Variants in CACNB4 observed in about 807,000 individuals in gnomAD.
CACNB4 encodes the protein calcium voltage-gated channel auxiliary subunit beta 4, also known as voltage-dependent L-type calcium channel subunit beta-4.
Under a neutral mutation model 71.2 loss-of-function variants are expected in CACNB4, and 32 were observed. The observed-to-expected ratio is 0.45, with a 90% confidence interval of 0.34 to 0.60. The LOEUF (loss-of-function observed/expected upper bound fraction) is 0.60, where lower values mean the gene tolerates loss of function less well. Ranked by LOEUF, CACNB4 falls within the 20% of genes least tolerant of loss-of-function variation. The probability of loss-of-function intolerance (pLI) is 0.01; values close to 1 mark genes in which losing one functional copy is unlikely to be tolerated. For missense variants in CACNB4, 464 were observed against 647.9 expected, an observed-to-expected ratio of 0.72 and a Z score of 3.08; for synonymous variants, 231 against 236.9, an observed-to-expected ratio of 0.97 and a Z score of 0.23.
chr2:152,073,799 A>G (rs1276412770), intron 2 of CACNB4, among the ~76,000 whole-genome samples: 1 of 152,202 alleles, frequency 6.6e-6, no homozygotes, highest in Non-Finnish European at 1.5e-5. Flanking sequence ...ATTCCCTTCA[A>G]TAACAAATGC....
intron 2 of CACNB4, among the ~76,000 whole-genome samples, chr2:152,035,592 T>C (rs909900097): frequency 4.8e-5 from 7 of 144,448 alleles, no homozygotes; most frequent in South Asian, 2.2e-4. Context: ...TCTCTCCCTC[T>C]CTCTCTCTCT....
intron 2 of CACNB4, among the ~76,000 whole-genome samples, chr2:152,006,400 T>C (rs969739697): frequency 3.0e-4 from 28 of 91,804 alleles, no homozygotes; most frequent in African/African-American, 9.4e-4. Context: ...TTCTTTTCTT[T>C]CTTTTTTTTT....
At chr2:152,047,277 A>G (rs893007637) in intron 2 of CACNB4, among the ~76,000 whole-genome samples, 1 of 152,194 alleles carries the variant, frequency 6.6e-6, no homozygotes, top group Admixed American at 6.5e-5. Flanking sequence ...TGTCACACAG[A>G]CCTCAAATAA....
chr2:151,981,053 C>G (rs913767200), intron 2 of CACNB4, among the ~76,000 whole-genome samples: 1 of 128,622 alleles, frequency 7.8e-6, no homozygotes, highest in Non-Finnish European at 1.6e-5. Context: ...TCTTTAAGGT[C>G]AAATGTAAAT....
chr2:152,038,234 G>A (rs1684695780), intron 2 of CACNB4, among the ~76,000 whole-genome samples: 2 of 152,184 alleles, frequency 1.3e-5, no homozygotes, highest in Admixed American at 1.3e-4. Context: ...TAAAGTAAGG[G>A]GTTGGTGAGC....
chr2:152,086,829 TG>T (rs1285063208), intron 2 of CACNB4, among the ~76,000 whole-genome samples: 1 of 152,194 alleles, frequency 6.6e-6, no homozygotes, highest in African/African-American at 2.4e-5. Context: ...TTGATTTCCA[TG>T]CAGGTTAAAG....
At chr2:152,090,182 G>C (rs1047294398) in intron 2 of CACNB4, among the ~76,000 whole-genome samples, 2 of 152,240 alleles carry the variant, frequency 1.3e-5, no homozygotes, top group Admixed American at 1.3e-4. Flanking sequence ...CCAAAGGAAG[G>C]CCATTAAATA....
In CACNB4 at chr2:151,833,857, AT is replaced by A. The variant is rs1302170995; in HGVS notation, c.*5261del. On this transcript the variant is annotated 3_prime_UTR_variant, in exon 14 of 14. Coordinates refer to ENST00000539935, the MANE Select transcript of CACNB4 (RefSeq NM_000726.5). ...CTGTACAATATGTTTTTGCTACATTATTTTTCTACTGCTAATGCAGATTATA... is the reference window on the plus strand; with the variant it reads ...CTGTACAATATGTTTTTGCTACATTATTTTCTACTGCTAATGCAGATTATA... 6.6e-6 allele frequency: 1 copy of A among 152,052 alleles called. No homozygotes were observed. The highest frequency in any genetic ancestry group is 2.4e-5 in the African/African-American group (1 of 41,440). The allele number at this position is 152,052 out of a possible 1,614,324, so 9.4% of individuals were successfully genotyped here.
At chr2:151,956,241 G>A (rs549182143) in intron 2 of CACNB4, among the ~76,000 whole-genome samples, 1 of 152,314 alleles carries the variant, frequency 6.6e-6, no homozygotes, top group South Asian at 2.1e-4. Flanking sequence ...AAGAACTTGT[G>A]CATGAATGTT....
chr2:151,894,726 T>C (rs995447515), intron 2 of CACNB4, among the ~76,000 whole-genome samples: 1 of 151,986 alleles, frequency 6.6e-6, no homozygotes, highest in African/African-American at 2.4e-5. Context: ...GGATACAAAA[T>C]AAACATACAA....
At chr2:151,998,384 T>G (rs1176263864) in intron 2 of CACNB4, among the ~76,000 whole-genome samples, 1 of 147,790 alleles carries the variant, frequency 6.8e-6, no homozygotes, top group Non-Finnish European at 1.5e-5. Flanking sequence ...AAATATGCGA[T>G]AAGTAGAAAG....
intron 2 of CACNB4, among the ~76,000 whole-genome samples, chr2:151,991,660 A>C (rs1401176060): frequency 6.6e-6 from 1 of 152,194 alleles, no homozygotes; most frequent in Non-Finnish European, 1.5e-5. Flanking sequence ...TTTTCTTAAC[A>C]TGACAATAAG....
chr2:151,888,345 T>C (rs2099849889), intron 2 of CACNB4, among the ~76,000 whole-genome samples: 1 of 152,108 alleles, frequency 6.6e-6, no homozygotes, highest in Non-Finnish European at 1.5e-5. Context: ...GAGAATTGCT[T>C]GAGCCCAGGA....
intron 6 of CACNB4, 85 bp downstream of exon 6, chr2:151,872,332 A>C (rs1174913104): frequency 1.3e-6 from 1 of 761,710 alleles, no homozygotes; most frequent in East Asian, 2.6e-5. Flanking sequence ...AATTGTTTCC[A>C]AATTAGCAAA....
intron 2 of CACNB4, among the ~76,000 whole-genome samples, chr2:152,083,573 G>A (rs757247413): frequency 5.3e-5 from 8 of 152,114 alleles, no homozygotes; most frequent in Admixed American, 3.3e-4. Context: ...TAAATGAACC[G>A]CACAGAAAGA....
intron 2 of CACNB4, among the ~76,000 whole-genome samples, chr2:151,928,929 A>C (rs2099860952): frequency 6.6e-6 from 1 of 151,748 alleles, no homozygotes; most frequent in Admixed American, 6.6e-5. Flanking sequence ...AAAAAAAAAA[A>C]AACATAATGC....
chr2:151,942,802 G>A (rs1467119221), intron 2 of CACNB4, among the ~76,000 whole-genome samples: 2 of 152,142 alleles, frequency 1.3e-5, no homozygotes, highest in Non-Finnish European at 2.9e-5. Flanking sequence ...GCTTAATAGG[G>A]TTGGGAAAAA....
At chr2:151,981,692 G>A (rs1284764954) in intron 2 of CACNB4, among the ~76,000 whole-genome samples, 4 of 152,108 alleles carry the variant, frequency 2.6e-5, no homozygotes, top group Admixed American at 2.0e-4. Flanking sequence ...TACTCATCTT[G>A]TTGATATACC....
chr2:151,865,955 T>A (rs1354945470), intron 9 of CACNB4: 1 of 152,106 alleles, frequency 6.6e-6, no homozygotes, highest in African/African-American at 2.4e-5. Context: ...CTGGCTAATT[T>A]TGTATTTTTA....
Sources: gnomAD v4.1 joint callset for allele counts (sites outside exome capture counted in the v4.1 genomes callset) on GRCh38, gnomAD v4.1.1 for gene constraint, MANE v1.5 for transcripts, NCBI Gene and HGNC (gene_info 2026-07-23, HGNC 2026-07-21) for gene names.